Variants in AKT2 observed in about 807,000 individuals in gnomAD.
AKT2 encodes AKT serine/threonine kinase 2, also known as RAC-beta serine/threonine-protein kinase.
In AKT2, 16 loss-of-function variants were observed where a neutral mutation model predicts 58.6. The observed-to-expected ratio is 0.27, with a 90% confidence interval of 0.18 to 0.41. The LOEUF is 0.41. AKT2 is among the 10% of genes least tolerant of loss of function. AKT2 has a pLI of 1.00. For synonymous variants in AKT2, 253 were observed against 254.0 expected (o/e 1.00, Z 0.04); for missense variants, 438 against 661.0 (o/e 0.66, Z 3.70).
At chr19:40,243,532 T>C (rs1174139553) in intron 4 of AKT2, 1 of 152,026 alleles carries the variant, frequency 6.6e-6, no homozygotes, top group African/African-American at 2.4e-5. Flanking sequence ...AGCCCAGGGA[T>C]GTAGAGGAGA....
chr19:40,277,940 C>T (rs1284928671), intron 1 of AKT2, among the ~76,000 whole-genome samples: 1 of 152,204 alleles, frequency 6.6e-6, no homozygotes, highest in Non-Finnish European at 1.5e-5. Flanking sequence ...AGCAATCAGG[C>T]CCCTAGGGCA....
intron 1 of AKT2, among the ~76,000 whole-genome samples, chr19:40,277,949 C>A (rs1339473882): frequency 6.6e-6 from 1 of 152,210 alleles, no homozygotes. Flanking sequence ...GCCCCTAGGG[C>A]AGTGGGGAGG....
At position 40,261,968 on chromosome 19, in the gene AKT2, G is replaced by C. The variant is rs1975997311; in HGVS notation, c.46+3254C>G. Among the ~76,000 whole-genome samples, 3 of 151,718 alleles carry C rather than the reference G, an allele frequency of 2.0e-5. No individual in the cohort carries two copies. In the South Asian group the frequency reaches 6.3e-4, roughly 32 times the overall value. On this transcript the variant is annotated intron_variant, in intron 2 of 13. Coordinates refer to ENST00000392038, the MANE Select transcript of AKT2 (RefSeq NM_001626.6). ...TCATCTGTGTTACTGGAGGTTAGGA[G>C]AGCGGTAACTGCTTGGGAGGAGCAC... is the stretch of plus-strand genomic sequence containing the variant.
rs142540129 is a variant in AKT2, at chr19:40,265,024, A to G, written c.46+198T>C. Among the ~76,000 whole-genome samples the G allele has an allele frequency of 7.2e-3, 1,102 of 152,310 alleles. 14 individuals carry two copies. The highest frequency in any genetic ancestry group is 0.04 in the South Asian group (193 of 4,826). On this transcript the variant is annotated intron_variant, in intron 2 of 13. Coordinates refer to ENST00000392038, the MANE Select transcript of AKT2 (RefSeq NM_001626.6). ...GCTATGAATGAGATCACTCATGCACAGTCAGATCCCTGCTCTCCTGCCCAG... is the reference window on the plus strand; with the variant it reads ...GCTATGAATGAGATCACTCATGCACGGTCAGATCCCTGCTCTCCTGCCCAG...
chr19:40,265,589 C>T (rs543305376), intron 1 of AKT2: 155 of 494,776 alleles, frequency 3.1e-4, no homozygotes, highest in Non-Finnish European at 2.9e-4. Flanking sequence ...GCAGGCCAGA[C>T]CCCAAACTCA....
intron 2 of AKT2, among the ~76,000 whole-genome samples, chr19:40,259,831 C>G (rs754956604): frequency 3.9e-5 from 6 of 152,200 alleles, no homozygotes; most frequent in Admixed American, 6.5e-5. Flanking sequence ...TGTTCAGCAT[C>G]ATTAGTCATC....
At chr19:40,269,769 T>C (rs964110455) in intron 1 of AKT2, among the ~76,000 whole-genome samples, 3 of 152,230 alleles carry the variant, frequency 2.0e-5, no homozygotes, top group East Asian at 1.9e-4. Context: ...AGGACTAAAC[T>C]GCTGCTGAAT....
intron 1 of AKT2, chr19:40,282,361 T>C (rs1409759798): frequency 1.5e-5 from 6 of 405,004 alleles, no homozygotes; most frequent in Admixed American, 8.1e-5. Flanking sequence ...GACTTCACCG[T>C]CCTGCTGCTA....
Position 40,281,372 on chromosome 19 carries a change from G to A in AKT2, c.-85+3809C>T, listed in dbSNP as rs185170491. Among the ~76,000 whole-genome samples the A allele has an allele frequency of 5.9e-5, 9 of 152,296 alleles. No individual in the cohort carries two copies. In the South Asian group the frequency reaches 1.0e-3, roughly 18 times the overall value. On this transcript the variant is annotated intron_variant, in intron 1 of 13. Transcript: ENST00000392038. ...CTAGGCATGGTGGCATGCACCTGTAGTCCCAGCTACTCAAGAGGATGAGGT... is the reference window on the plus strand; with the variant it reads ...CTAGGCATGGTGGCATGCACCTGTAATCCCAGCTACTCAAGAGGATGAGGT...
At position 40,238,914 on chromosome 19, in the gene AKT2, G is replaced by C. The variant is rs765477884; in HGVS notation, c.699C>G (p.Asn233Lys). ...DRLCFVMEYA[N>K]GGELFFHLSR... is the part of the protein sequence containing the mutation. ...GGCAGCCGCGGCTCACCTCACCCCCGTTGGCATACTCCATCACAAAGCACA... is the reference window on the plus strand; with the variant it reads ...GGCAGCCGCGGCTCACCTCACCCCCCTTGGCATACTCCATCACAAAGCACA... Residue 233 changes from asparagine to lysine, a missense_variant, in exon 8 of 14, where the codon AAC (asparagine) becomes AAG (lysine). Asn to Lys is a moderately conservative substitution (Grantham distance 94). Coordinates refer to ENST00000392038, the MANE Select transcript of AKT2 (RefSeq NM_001626.6). The surrounding 1 kb of genome is among the most constrained non-coding windows in gnomAD (Gnocchi z 5.1). 6.2e-7 allele frequency: 1 copy of C among 1,614,006 alleles called. No homozygotes were observed. The highest frequency in any genetic ancestry group is 8.5e-7 in the Non-Finnish European group (1 of 1,179,998).
At chr19:40,282,945 T>A (rs188068216) in intron 1 of AKT2, 4 of 168,322 alleles carry the variant, frequency 2.4e-5, no homozygotes, top group Non-Finnish European at 5.2e-5. Context: ...ATGAGACCTC[T>A]GGGAAATCTT....
At chr19:40,252,704 AC>A (rs930331767) in intron 4 of AKT2, among the ~76,000 whole-genome samples, 57 of 151,870 alleles carry the variant, frequency 3.8e-4, no homozygotes, top group African/African-American at 1.3e-3. Context: ...GTGACACAGA[AC>A]CCCCTGTAGT....
chr19:40,236,360 T>G lies in AKT2; in HGVS notation c.857A>C (p.Asp286Ala). 1 of 1,614,144 alleles carries G rather than the reference T, an allele frequency of 6.2e-7. No individual in the cohort carries two copies. The highest frequency in any genetic ancestry group is 8.5e-7 in the Non-Finnish European group (1 of 1,180,012). ...IKLENLMLDK[D>A]GHIKITDFGL... Reference sequence around the variant, plus strand: ...AAAGTCAGTGATCTTGATGTGGCCATCTTTGTCCAGCATGAGGTTTTCCAG... The same window carrying G: ...AAAGTCAGTGATCTTGATGTGGCCAGCTTTGTCCAGCATGAGGTTTTCCAG... The change falls in exon 10 of 14, where the codon GAT becomes GCT. Residue 286 changes from aspartate (D) to alanine (A), a missense_variant. Asp to Ala is a moderately radical substitution (Grantham distance 126). This residue lies in a region of AKT2 where 46 missense variants were observed against 114.5 expected (regional missense o/e 0.40). Transcript: ENST00000392038.
chr19:40,247,143 TC>T (rs1974809402), intron 4 of AKT2, among the ~76,000 whole-genome samples: 2 of 152,100 alleles, frequency 1.3e-5, no homozygotes, highest in Non-Finnish European at 2.9e-5. Context: ...CACTCAGAAT[TC>T]CAGATGAAAA....
intron 2 of AKT2, among the ~76,000 whole-genome samples, chr19:40,264,081 T>C (rs930648576): frequency 5.9e-5 from 9 of 152,114 alleles, no homozygotes; most frequent in Admixed American, 2.0e-4. Context: ...ATGGGATGTT[T>C]GCCTGTCGGG....
Position 40,235,840 on chromosome 19 carries a change from C to T in AKT2, c.1175+50G>A. On this transcript the variant is annotated intron_variant, in intron 11 of 13. Coordinates refer to ENST00000392038, the MANE Select transcript of AKT2 (RefSeq NM_001626.6). The surrounding 1 kb of genome is among the most constrained non-coding windows in gnomAD (Gnocchi z 6.3). ...CGCTGCCCCCTCCAGGCCGCAGGGA[C>T]AGTGGCAGCAGCTGGCGCTGGGCTG... 6.4e-7 allele frequency: 1 copy of T among 1,559,920 alleles called. No individual in the cohort carries two copies. The highest frequency in any genetic ancestry group is 8.7e-7 in the Non-Finnish European group (1 of 1,152,932).
chr19:40,236,449 CCTT>C (rs1273883967), intron 9 of AKT2, 64 bp from the exon 10 acceptor site: 16 of 1,610,574 alleles, frequency 9.9e-6, no homozygotes. Context: ...CCCAGCCTTT[CCTT>C]CCAGGGAAAG....
At chr19:40,264,330 G>T (rs1009305115) in intron 2 of AKT2, among the ~76,000 whole-genome samples, 13 of 151,968 alleles carry the variant, frequency 8.6e-5, no homozygotes, top group African/African-American at 2.7e-4. Flanking sequence ...ACAGCCCTGG[G>T]GTCAAAAAGG....
At chr19:40,239,983 C>G (rs1974289597) in intron 7 of AKT2, 62 bp downstream of exon 7, 7 of 1,570,572 alleles carry the variant, frequency 4.5e-6, no homozygotes, top group Non-Finnish European at 2.6e-6. Flanking sequence ...GATTAGGGCT[C>G]TCTCTCTGAG....
Sources: gnomAD v4.1 joint callset for allele counts (sites outside exome capture counted in the v4.1 genomes callset) on GRCh38, gnomAD v4.1.1 for gene constraint, gnomAD v4.1.1 regional missense constraint, Gnocchi (gnomAD v3.1) non-coding constraint, MANE v1.5 for transcripts, NCBI Gene and HGNC (gene_info 2026-07-23, HGNC 2026-07-21) for gene names.